Variants in FRAT2 observed in about 807,000 individuals in gnomAD.
The protein encoded by FRAT2 is FRAT regulator of Wnt signaling pathway 2.
For synonymous variants in FRAT2, 205 were observed against 171.5 expected (o/e 1.20, Z -1.53); for missense variants, 326 against 340.8 (o/e 0.96, Z 0.34).
In FRAT2 at chr10:97,333,955, C is replaced by G; in HGVS notation, c.618G>C (p.Thr206=). The change falls in exon 1 of 1, where the codon ACG becomes ACC. Residue 206 remains threonine, a synonymous_variant. Transcript: ENST00000371019. ...CGGGCCCAGGGGCGCTTGCGGGGCC[C>G]GTGGCTGCAACCGCGGCGACGGCTC... The part of the protein sequence containing the change: ...LQRAVAAVAA[T]GPASAPGPGG... The G allele has an allele frequency of 6.3e-7, 1 of 1,577,574 alleles. No individual in the cohort carries two copies. The highest frequency in any genetic ancestry group is 8.6e-7 in the Non-Finnish European group (1 of 1,169,272).
chr10:97,334,621 G>C lies in FRAT2; in HGVS notation c.-49C>G. 1.5e-6 allele frequency: 2 copies of C among 1,315,098 alleles called. No individual in the cohort carries two copies. The highest frequency in any genetic ancestry group is 6.3e-5 in the East Asian group (2 of 31,898). 81.5% of individuals were successfully genotyped at this position (1,315,098 alleles called of 1,614,324 possible). A position where few individuals can be genotyped will look rare whatever the true frequency, so the allele number is the denominator to read the frequency against. On this transcript the variant is annotated 5_prime_UTR_variant, in exon 1 of 1. Transcript: ENST00000371019. ...GCTGTGCGGGCTTCGCTGGGGGCTT[G>C]GTTGCCCGCGGGCGCGGAGCTGCGG...
Position 97,334,582 on chromosome 10 carries a change from T to G in FRAT2, c.-10A>C. Reference sequence around the variant, plus strand: ...CCCTCCGGCACGGCATGGCCCCCCGTCCTGGCACCCGGAGCTGTGCGGGCT... The same window carrying G: ...CCCTCCGGCACGGCATGGCCCCCCGGCCTGGCACCCGGAGCTGTGCGGGCT... On this transcript the variant is annotated 5_prime_UTR_variant, in exon 1 of 1. Coordinates refer to ENST00000371019, the MANE Select transcript of FRAT2 (RefSeq NM_012083.3). 7.0e-7 allele frequency: 1 copy of G among 1,432,122 alleles called. No homozygotes were observed. Among genetic ancestry groups the G allele is most frequent in the Non-Finnish European group, 9.2e-7 (1 of 1,089,458 alleles). 88.7% of individuals were successfully genotyped at this position (1,432,122 alleles called of 1,614,324 possible).
In FRAT2 at chr10:97,334,165, G is replaced by A; in HGVS notation, c.408C>T (p.Gly136=). The change falls in exon 1 of 1, where the codon GGC becomes GGT. Residue 136 remains glycine, a synonymous_variant. Transcript: ENST00000371019. ...APYCVAEVAA[G]PSALPGPCRR... ...GGCACGGCCCCGGCAGCGCGCTGGG[G>A]CCTGCGGCGACCTCCGCCACGCAGT... is the stretch of plus-strand genomic sequence containing the variant. The A allele has an allele frequency of 7.1e-7, 1 of 1,409,734 alleles. No homozygotes were observed. Among genetic ancestry groups the A allele is most frequent in the Non-Finnish European group, 9.1e-7 (1 of 1,092,968 alleles). 87.3% of individuals were successfully genotyped at this position (1,409,734 alleles called of 1,614,324 possible).
At position 97,333,593 on chromosome 10, in the gene FRAT2, CTCCCAGTTTA is replaced by C; in HGVS notation, c.*268_*277del. 2.5e-6 allele frequency: 1 copy of C among 401,732 alleles called. No homozygotes were observed. The highest frequency in any genetic ancestry group is 3.8e-5 in the East Asian group (1 of 26,294). The allele number at this position is 401,732 out of a possible 1,614,324, so 24.9% of individuals were successfully genotyped here. On this transcript the variant is annotated 3_prime_UTR_variant, in exon 1 of 1. Coordinates refer to ENST00000371019, the MANE Select transcript of FRAT2 (RefSeq NM_012083.3). ...GTCGATGCAAGTAGCTGCCATAGTT[CTCCCAGTTTA>C]TCCCAGGTCCTTGGGCTTGGATGGC...
chr10:97,334,104 G>C lies in FRAT2; in HGVS notation c.469C>G (p.Arg157Gly). 3.2e-6 allele frequency: 5 copies of C among 1,582,206 alleles called. No individual in the cohort carries two copies. The highest frequency in any genetic ancestry group is 2.3e-5 in the East Asian group (1 of 43,926). Residue 157 changes from arginine (R) to glycine (G), a missense_variant, in exon 1 of 1, where the codon CGC (arginine) becomes GGC (glycine). Coordinates refer to ENST00000371019, the MANE Select transcript of FRAT2 (RefSeq NM_012083.3). ...GWLRDAVTSR[R>G]LQQRRWTQAG... The stretch of plus-strand genomic sequence containing the variant: ...TGGGTCCATCGGCGCTGCTGCAAGC[G>C]GCGGGAGGTGACCGCGTCCCTGAGC...
Position 97,333,533 on chromosome 10 carries a change from G to A in FRAT2, c.*338C>T. 3.4e-6 allele frequency: 1 copy of A among 290,084 alleles called. No homozygotes were observed. The highest frequency in any genetic ancestry group is 1.3e-4 in the South Asian group (1 of 7,676). 18.0% of individuals were successfully genotyped at this position (290,084 alleles called of 1,614,324 possible). A position where few individuals can be genotyped will look rare whatever the true frequency, so the allele number is the denominator to read the frequency against. On this transcript the variant is annotated 3_prime_UTR_variant, in exon 1 of 1. Coordinates refer to ENST00000371019, the MANE Select transcript of FRAT2 (RefSeq NM_012083.3). ...CCTGAGCCCTCCTTAAACAATCCAA[G>A]CTCACGACGCCCCCAAGGGCTAAGT...
chr10:97,334,604 G>C lies in FRAT2; in HGVS notation c.-32C>G, dbSNP rs1843560530. 2 of 1,369,984 alleles carry C rather than the reference G, an allele frequency of 1.5e-6. No homozygotes were observed. Among genetic ancestry groups the C allele is most frequent in the African/African-American group, 3.0e-5 (2 of 66,796 alleles). The allele number at this position is 1,369,984 out of a possible 1,614,324, so 84.9% of individuals were successfully genotyped here. A position where few individuals can be genotyped will look rare whatever the true frequency, so the allele number is the denominator to read the frequency against. Reference sequence around the variant, plus strand: ...CCGTCCTGGCACCCGGAGCTGTGCGGGCTTCGCTGGGGGCTTGGTTGCCCG... The same window carrying C: ...CCGTCCTGGCACCCGGAGCTGTGCGCGCTTCGCTGGGGGCTTGGTTGCCCG... On this transcript the variant is annotated 5_prime_UTR_variant, in exon 1 of 1. Transcript: ENST00000371019.
rs1843544535 is a variant in FRAT2 at position 97,333,524 on chromosome 10, A to G, written c.*347T>C. On this transcript the variant is annotated 3_prime_UTR_variant, in exon 1 of 1. Transcript: ENST00000371019. ...ATTCCTACCCCTGAGCCCTCCTTAAACAATCCAAGCTCACGACGCCCCCAA... is the reference window on the plus strand; with the variant it reads ...ATTCCTACCCCTGAGCCCTCCTTAAGCAATCCAAGCTCACGACGCCCCCAA... The G allele has an allele frequency of 7.2e-6, 2 of 279,284 alleles. No homozygotes were observed. Among genetic ancestry groups the G allele is most frequent in the Admixed American group, 5.2e-5 (1 of 19,376 alleles). 17.3% of individuals were successfully genotyped at this position (279,284 alleles called of 1,614,324 possible).
In FRAT2 at chr10:97,334,682, G is replaced by C; in HGVS notation, c.-110C>G. Reference sequence around the variant, plus strand: ...AGCAGGGGCGGACGCGGAAGCCGGAGCCCGCCAGGCACTCGAGCCACGCGC... The same window carrying C: ...AGCAGGGGCGGACGCGGAAGCCGGACCCCGCCAGGCACTCGAGCCACGCGC... On this transcript the variant is annotated 5_prime_UTR_variant, in exon 1 of 1. Coordinates refer to ENST00000371019, the MANE Select transcript of FRAT2 (RefSeq NM_012083.3). 8.1e-7 allele frequency: 1 copy of C among 1,228,490 alleles called. No homozygotes were observed. The highest frequency in any genetic ancestry group is 1.0e-6 in the Non-Finnish European group (1 of 966,664). The allele number at this position is 1,228,490 out of a possible 1,614,324, so 76.1% of individuals were successfully genotyped here. A position where few individuals can be genotyped will look rare whatever the true frequency, so the allele number is the denominator to read the frequency against.
Position 97,333,866 on chromosome 10 carries a change from C to T in FRAT2, c.*5G>A, listed in dbSNP as rs1843548038. On this transcript the variant is annotated 3_prime_UTR_variant, in exon 1 of 1. Transcript: ENST00000371019. ...GCCTCCACTTCCTCCTCCAGGAGGC[C>T]TGCGTCAGAGCAAGGAGCCTGAGGG... is the stretch of plus-strand genomic sequence containing the variant. The T allele has an allele frequency of 2.7e-6, 4 of 1,502,930 alleles. No homozygotes were observed. In the East Asian group the frequency reaches 7.3e-5, roughly 27 times the overall value. 93.1% of individuals were successfully genotyped at this position (1,502,930 alleles called of 1,614,324 possible).
rs1289742859 is a variant in FRAT2 at position 97,334,563 on chromosome 10, G to C, written c.10C>G (p.Arg4Gly). The change falls in exon 1 of 1, where the codon CGG becomes GGG. Residue 4 changes from arginine to glycine, a missense_variant. Physicochemically the swap from Arg to Gly is moderately radical, Grantham distance 125. Coordinates refer to ENST00000371019, the MANE Select transcript of FRAT2 (RefSeq NM_012083.3). MPC[R>G]REEEEEAGEE... The stretch of plus-strand genomic sequence containing the variant: ...CCGGCTTCCTCTTCCTCCTCCCTCC[G>C]GCACGGCATGGCCCCCCGTCCTGGC... The C allele has an allele frequency of 6.9e-7, 1 of 1,458,922 alleles. No homozygotes were observed. The highest frequency in any genetic ancestry group is 1.5e-5 in the African/African-American group (1 of 68,578). The allele number at this position is 1,458,922 out of a possible 1,614,324, so 90.4% of individuals were successfully genotyped here. A position where few individuals can be genotyped will look rare whatever the true frequency, so the allele number is the denominator to read the frequency against.
Position 97,333,709 on chromosome 10 carries a change from C to A in FRAT2, c.*162G>T. The A allele has an allele frequency of 1.4e-6, 1 of 692,698 alleles. No individual in the cohort carries two copies. Among genetic ancestry groups the A allele is most frequent in the East Asian group, 3.3e-5 (1 of 30,256 alleles). The allele number at this position is 692,698 out of a possible 1,614,324, so 42.9% of individuals were successfully genotyped here. A position where few individuals can be genotyped will look rare whatever the true frequency, so the allele number is the denominator to read the frequency against. On this transcript the variant is annotated 3_prime_UTR_variant, in exon 1 of 1. Coordinates refer to ENST00000371019, the MANE Select transcript of FRAT2 (RefSeq NM_012083.3). ...TAAGTTTTCTCCGACGGCCTCGCCGCGGCTGGTAACTTCTCTGGTTGAGAT... is the reference window on the plus strand; with the variant it reads ...TAAGTTTTCTCCGACGGCCTCGCCGAGGCTGGTAACTTCTCTGGTTGAGAT...
Position 97,334,715 on chromosome 10 carries a change from C to T in FRAT2, c.-143G>A. ...GGCACTCGAGCCACGCGCCTGCAGC[C>T]GCTGGAGCCGGAATCCTGCCGGCTC... On this transcript the variant is annotated 5_prime_UTR_variant, in exon 1 of 1. Transcript: ENST00000371019. The T allele has an allele frequency of 1.0e-6, 1 of 992,510 alleles. No individual in the cohort carries two copies. Among genetic ancestry groups the T allele is most frequent in the Non-Finnish European group, 1.3e-6 (1 of 754,028 alleles). The allele number at this position is 992,510 out of a possible 1,614,324, so 61.5% of individuals were successfully genotyped here. A position where few individuals can be genotyped will look rare whatever the true frequency, so the allele number is the denominator to read the frequency against.
At position 97,334,717 on chromosome 10, in the gene FRAT2, C is replaced by T. The variant is rs1254522734; in HGVS notation, c.-145G>A. ...CACTCGAGCCACGCGCCTGCAGCCG[C>T]TGGAGCCGGAATCCTGCCGGCTCGG... On this transcript the variant is annotated 5_prime_UTR_variant, in exon 1 of 1. Transcript: ENST00000371019. 1 of 986,246 alleles carries T rather than the reference C, an allele frequency of 1.0e-6. No homozygotes were observed. Among genetic ancestry groups the T allele is most frequent in the African/African-American group, 1.7e-5 (1 of 59,140 alleles). 61.1% of individuals were successfully genotyped at this position (986,246 alleles called of 1,614,324 possible). A position where few individuals can be genotyped will look rare whatever the true frequency, so the allele number is the denominator to read the frequency against.
In FRAT2 at chr10:97,333,770, G is replaced by A; in HGVS notation, c.*101C>T. 1 of 1,276,686 alleles carries A rather than the reference G, an allele frequency of 7.8e-7. No individual in the cohort carries two copies. Among genetic ancestry groups the A allele is most frequent in the Non-Finnish European group, 1.0e-6 (1 of 989,810 alleles). 79.1% of individuals were successfully genotyped at this position (1,276,686 alleles called of 1,614,324 possible). Reference sequence around the variant, plus strand: ...GCGCCTCCCCGCAGCCAAAGTGGTCGCTCCCAGGCTGGCGACGTCGGCTTC... The same window carrying A: ...GCGCCTCCCCGCAGCCAAAGTGGTCACTCCCAGGCTGGCGACGTCGGCTTC... On this transcript the variant is annotated 3_prime_UTR_variant, in exon 1 of 1. Coordinates refer to ENST00000371019, the MANE Select transcript of FRAT2 (RefSeq NM_012083.3).
Position 97,334,182 on chromosome 10 carries a change from C to T in FRAT2, c.391G>A (p.Ala131Thr). Residue 131 changes from alanine (A) to threonine (T), a missense_variant, in exon 1 of 1, where the codon GCG becomes ACG. Ala to Thr is a moderately conservative substitution (Grantham distance 58). Coordinates refer to ENST00000371019, the MANE Select transcript of FRAT2 (RefSeq NM_012083.3). ...GCGCTGGGGCCTGCGGCGACCTCCG[C>T]CACGCAGTAGGGCGCAGCGCGTCCG... ...VRGRAAPYCVAEVAAGPSALP... is the reference protein window; with the variant it reads ...VRGRAAPYCVTEVAAGPSALP... The T allele has an allele frequency of 7.3e-7, 1 of 1,378,396 alleles. No homozygotes were observed. Among genetic ancestry groups the T allele is most frequent in the East Asian group, 3.0e-5 (1 of 33,276 alleles). The allele number at this position is 1,378,396 out of a possible 1,614,324, so 85.4% of individuals were successfully genotyped here. A position where few individuals can be genotyped will look rare whatever the true frequency, so the allele number is the denominator to read the frequency against.
At position 97,333,884 on chromosome 10, in the gene FRAT2, C is replaced by T. The variant is rs750085287; in HGVS notation, c.689G>A (p.Gly230Asp). The T allele has an allele frequency of 4.5e-6, 7 of 1,539,608 alleles. No homozygotes were observed. The highest frequency in any genetic ancestry group is 2.0e-5 in the Admixed American group (1 of 48,946). Residue 230 changes from glycine to aspartate, a missense_variant, in exon 1 of 1, where the codon GGC (glycine) becomes GAC (aspartate). Gly to Asp is a moderately conservative substitution (Grantham distance 94, BLOSUM62 -1). Transcript: ENST00000371019. ...AGGAGGCCTGCGTCAGAGCAAGGAGCCTGAGGGCTGCAGGGCAATGCGGTC... is the reference window on the plus strand; with the variant it reads ...AGGAGGCCTGCGTCAGAGCAAGGAGTCTGAGGGCTGCAGGGCAATGCGGTC... ...GPDRIALQPS[G>D]SLL
Position 97,333,870 on chromosome 10 carries a change from G to A in FRAT2, c.*1C>T. On this transcript the variant is annotated 3_prime_UTR_variant, in exon 1 of 1. Transcript: ENST00000371019. ...CCACTTCCTCCTCCAGGAGGCCTGC[G>A]TCAGAGCAAGGAGCCTGAGGGCTGC... 6.6e-7 allele frequency: 1 copy of A among 1,509,970 alleles called. No individual in the cohort carries two copies. Among genetic ancestry groups the A allele is most frequent in the Non-Finnish European group, 8.8e-7 (1 of 1,132,654 alleles). 93.5% of individuals were successfully genotyped at this position (1,509,970 alleles called of 1,614,324 possible).
chr10:97,334,521 C>T lies in FRAT2; in HGVS notation c.52G>A (p.Glu18Lys), dbSNP rs1480394470. The T allele has an allele frequency of 2.0e-6, 3 of 1,494,486 alleles. No homozygotes were observed. Among genetic ancestry groups the T allele is most frequent in the South Asian group, 2.5e-5 (2 of 80,376 alleles). 92.6% of individuals were successfully genotyped at this position (1,494,486 alleles called of 1,614,324 possible). The change falls in exon 1 of 1, where the codon GAG (glutamate) becomes AAG (lysine). Residue 18 changes from glutamate to lysine, a missense_variant. Transcript: ENST00000371019. ...AGGAAGCTGTCGTCCTCCTCTTCCT[C>T]CCCCTCCGCCTCCTCGCCGGCTTCC... is the stretch of plus-strand genomic sequence containing the variant. ...EEEAGEEAEGEEEEDDSFLLL... is the reference protein window; with the variant it reads ...EEEAGEEAEGKEEEDDSFLLL...
Sources: gnomAD v4.1 joint callset for allele counts on GRCh38, gnomAD v4.1.1 for gene constraint, MANE v1.5 for transcripts, NCBI Gene and HGNC (gene_info 2026-07-23, HGNC 2026-07-21) for gene names.